The following SMAD6 variants were observed in gnomAD, a reference collection of about 807,000 sequenced individuals.
SMAD6 encodes SMAD family member 6, also known as MAD homolog 6.
Under a neutral mutation model 39.4 loss-of-function variants are expected in SMAD6, and 103 were observed. That is an observed-to-expected ratio of 2.62 (90% CI 2.23 to 3.08). The LOEUF is 3.08. Ranked by LOEUF, SMAD6 falls within the 30% of genes most tolerant of loss-of-function variation. The pLI is 0.00. For missense variants in SMAD6, 1,104 were observed against 742.9 expected (o/e 1.49, Z -5.65); for synonymous variants, 445 against 353.3 (o/e 1.26, Z -2.91).
chr15:66,779,900 A>C (rs77045918), intron 3 of SMAD6, among the ~76,000 whole-genome samples: 1,697 of 152,360 alleles, frequency 0.011, 32 homozygotes, highest in African/African-American at 0.038. Flanking sequence ...AGCTCAAAGG[A>C]AAGGCCAGAT....
chr15:66,723,388 T>C (rs1893468399), intron 3 of SMAD6, among the ~76,000 whole-genome samples: 1 of 152,214 alleles, frequency 6.6e-6, no homozygotes, highest in Non-Finnish European at 1.5e-5. Context: ...TGAACATTTA[T>C]TATTCAGAAC....
intron 3 of SMAD6, among the ~76,000 whole-genome samples, chr15:66,754,406 C>G (rs1474031252): frequency 6.6e-6 from 1 of 152,212 alleles, no homozygotes; most frequent in Non-Finnish European, 1.5e-5. Context: ...CGACCACCTT[C>G]CACTTGCACG....
chr15:66,714,181 C>T (rs1303720917), intron 2 of SMAD6, among the ~76,000 whole-genome samples: 1 of 152,148 alleles, frequency 6.6e-6, no homozygotes, highest in Non-Finnish European at 1.5e-5. Context: ...GTCAGTTAGC[C>T]TGTGATAAAG....
intron 3 of SMAD6, among the ~76,000 whole-genome samples, chr15:66,780,132 G>C (rs1171016161): frequency 6.6e-6 from 1 of 152,218 alleles, no homozygotes; most frequent in Non-Finnish European, 1.5e-5. Context: ...GGCAGCTCCA[G>C]AGCCCTTAAG....
At chr15:66,766,330 G>A (rs905894121) in intron 3 of SMAD6, among the ~76,000 whole-genome samples, 5 of 152,210 alleles carry the variant, frequency 3.3e-5, no homozygotes, top group Non-Finnish European at 4.4e-5. Context: ...GTTGAGCACC[G>A]TCCAGGACGC....
At chr15:66,716,297 CA>C in intron 2 of SMAD6, 123 bp from the exon 3 acceptor site, 2 of 712,428 alleles carry the variant, frequency 2.8e-6, no homozygotes. Flanking sequence ...TTGGGAGGGA[CA>C]TGCTGCCCTT....
chr15:66,717,268 C>A, intron 3 of SMAD6: 1 of 549,646 alleles, frequency 1.8e-6, no homozygotes, highest in Non-Finnish European at 3.2e-6. Flanking sequence ...GCTGGGGCTG[C>A]ATACCTTGTG....
intron 3 of SMAD6, among the ~76,000 whole-genome samples, chr15:66,744,118 G>A (rs796881807): frequency 1.4e-4 from 22 of 152,176 alleles, no homozygotes; most frequent in African/African-American, 5.3e-4. Flanking sequence ...GGCTGTATCC[G>A]TTTTCTCTCT....
In SMAD6 at chr15:66,782,246, A is replaced by C. The variant is rs1426447648; in HGVS notation, c.*711A>C. On this transcript the variant is annotated 3_prime_UTR_variant, in exon 4 of 4. Coordinates refer to ENST00000288840, the MANE Select transcript of SMAD6 (RefSeq NM_005585.5). Reference sequence around the variant, plus strand: ...CGGTGGGGAAAAGAATACACTGGCCATTTATCCTGGACAAGCTCTTCCAGT... The same window carrying C: ...CGGTGGGGAAAAGAATACACTGGCCCTTTATCCTGGACAAGCTCTTCCAGT... 4.2e-6 allele frequency: 1 copy of C among 240,658 alleles called. No homozygotes were observed. Among genetic ancestry groups the C allele is most frequent in the African/African-American group, 2.2e-5 (1 of 44,860 alleles). The allele number at this position is 240,658 out of a possible 1,614,324, so 14.9% of individuals were successfully genotyped here.
chr15:66,764,858 C>CT (rs1349497845), intron 3 of SMAD6, among the ~76,000 whole-genome samples: 2 of 152,220 alleles, frequency 1.3e-5, no homozygotes, highest in Non-Finnish European at 2.9e-5. Flanking sequence ...ATCAAGTACC[C>CT]ATTCTAACTT....
At chr15:66,753,395 T>C (rs1894041559) in intron 3 of SMAD6, among the ~76,000 whole-genome samples, 1 of 152,226 alleles carries the variant, frequency 6.6e-6, no homozygotes. Context: ...GGAGCCCCAG[T>C]GGCACCTCCT....
At chr15:66,723,892 G>T (rs1416750290) in intron 3 of SMAD6, among the ~76,000 whole-genome samples, 1 of 152,106 alleles carries the variant, frequency 6.6e-6, no homozygotes, top group African/African-American at 2.4e-5. Flanking sequence ...TCAAAGCAGG[G>T]AACTCTGTTG....
chr15:66,754,353 G>A (rs112884476), intron 3 of SMAD6, among the ~76,000 whole-genome samples: 137 of 152,244 alleles, frequency 9.0e-4, no homozygotes, highest in African/African-American at 3.1e-3. Flanking sequence ...CGAGCTTTGC[G>A]GTATTCAGGG....
chr15:66,702,687 G>A lies in SMAD6; in HGVS notation c.-572G>A, dbSNP rs1892997710. 1 of 152,368 alleles carries A rather than the reference G, an allele frequency of 6.6e-6. No individual in the cohort carries two copies. Among genetic ancestry groups the A allele is most frequent in the Non-Finnish European group, 1.5e-5 (1 of 68,032 alleles). The allele number at this position is 152,368 out of a possible 1,614,324, so 9.4% of individuals were successfully genotyped here. A position where few individuals can be genotyped will look rare whatever the true frequency, so the allele number is the denominator to read the frequency against. On this transcript the variant is annotated 5_prime_UTR_variant, in exon 1 of 4. Coordinates refer to ENST00000288840, the MANE Select transcript of SMAD6 (RefSeq NM_005585.5). ...AAATCCAGGGATTTAGGTTTTGTTT[G>A]GGATTTCCTTTTCTTTCTTTCCTTT...
At chr15:66,732,535 A>T (rs1893648064) in intron 3 of SMAD6, among the ~76,000 whole-genome samples, 1 of 151,926 alleles carries the variant, frequency 6.6e-6, no homozygotes. Context: ...TTTATTTTAT[A>T]TATTTTTCTA....
Position 66,708,274 on chromosome 15 carries a change from A to T in SMAD6, c.818-3394A>T, listed in dbSNP as rs73488317. 3,081 of 157,050 alleles carry T rather than the reference A, an allele frequency of 0.02. 107 individuals are homozygous for T. Among genetic ancestry groups the T allele is most frequent in the African/African-American group, 0.069 (2,857 of 41,686 alleles). 9.7% of individuals were successfully genotyped at this position (157,050 alleles called of 1,614,324 possible). A position where few individuals can be genotyped will look rare whatever the true frequency, so the allele number is the denominator to read the frequency against. On this transcript the variant is annotated intron_variant, in intron 1 of 3. Coordinates refer to ENST00000288840, the MANE Select transcript of SMAD6 (RefSeq NM_005585.5). The stretch of plus-strand genomic sequence containing the variant: ...TAAAATCAATAAAACTTTTAAAAGT[A>T]CTAAGACAACTTCTAAGAGGGGAGT...
intron 3 of SMAD6, among the ~76,000 whole-genome samples, chr15:66,750,092 G>C (rs2140646290): frequency 6.6e-6 from 1 of 152,230 alleles, no homozygotes; most frequent in Middle Eastern, 3.4e-3. Context: ...CTTACCTTGT[G>C]GGCTGCTGTG....
intron 1 of SMAD6, 27 bp downstream of exon 1, chr15:66,704,102 G>C (rs1327527179): frequency 1.4e-6 from 2 of 1,406,786 alleles, no homozygotes; most frequent in African/African-American, 1.5e-5. Flanking sequence ...GGCCGGGGGG[G>C]CCCCGGGTCC....
intron 3 of SMAD6, among the ~76,000 whole-genome samples, chr15:66,767,533 C>T (rs1402200635): frequency 6.6e-6 from 1 of 152,148 alleles, no homozygotes; most frequent in Non-Finnish European, 1.5e-5. Flanking sequence ...CAAGCAGCTT[C>T]AACTTGCCTG....
Sources: gnomAD v4.1 joint callset for allele counts (sites outside exome capture counted in the v4.1 genomes callset) on GRCh38, gnomAD v4.1.1 for gene constraint, MANE v1.5 for transcripts, NCBI Gene and HGNC (gene_info 2026-07-23, HGNC 2026-07-21) for gene names.